The following PUS10 variants were observed in gnomAD, a reference collection of about 807,000 sequenced individuals.
PUS10 encodes the protein pseudouridine synthase 10.
A neutral mutation model predicts 75.0 loss-of-function variants in PUS10; 59 were observed. That is an observed-to-expected ratio of 0.79 (90% confidence interval 0.64 to 0.98). The LOEUF is 0.98. PUS10 is among the 50% of genes least tolerant of loss of function. The pLI, the probability that PUS10 is intolerant of heterozygous loss-of-function variation, is 0.00. For synonymous variants in PUS10, 219 were observed against 211.6 expected, an observed-to-expected ratio of 1.03 and a Z score of -0.30; for missense variants, 650 against 614.4, an observed-to-expected ratio of 1.06 and a Z score of -0.61.
chr2:61,002,899 C>A (rs558404402), intron 4 of PUS10, among the ~76,000 whole-genome samples: 6 of 152,268 alleles, frequency 3.9e-5, no homozygotes, highest in African/African-American at 1.4e-4. Flanking sequence ...CTGAATACCG[C>A]CTTTATTTAT....
intron 11 of PUS10, among the ~76,000 whole-genome samples, chr2:60,956,974 C>CAAAAAAAAAAAAAAAAA (rs56804354): frequency 1.3e-3 from 25 of 19,252 alleles, no homozygotes; most frequent in African/African-American, 3.6e-3. Flanking sequence ...GACTCCATCT[C>CAAAAAAAAAAAAAAAAA]AAAAAAAAAA....
chr2:61,005,413 G>C (rs1321915609), intron 4 of PUS10, among the ~76,000 whole-genome samples: 1 of 152,158 alleles, frequency 6.6e-6, no homozygotes, highest in Non-Finnish European at 1.5e-5. Context: ...TATAAACTTT[G>C]ATTCACAGGC....
At chr2:60,980,873 C>T (rs1677344195) in intron 4 of PUS10, among the ~76,000 whole-genome samples, 1 of 152,134 alleles carries the variant, frequency 6.6e-6, no homozygotes, top group Non-Finnish European at 1.5e-5. Context: ...GGTTCTCTAA[C>T]AGTTTGGTTA....
chr2:61,000,532 C>G (rs899176200), intron 4 of PUS10, among the ~76,000 whole-genome samples: 2 of 152,208 alleles, frequency 1.3e-5, no homozygotes, highest in African/African-American at 4.8e-5. Context: ...AGTAGTAAAT[C>G]TGTTTCCTTG....
intron 4 of PUS10, among the ~76,000 whole-genome samples, chr2:60,989,173 A>G (rs1677915091): frequency 1.3e-5 from 2 of 152,240 alleles, no homozygotes; most frequent in African/African-American, 2.4e-5. Context: ...AGCAGCACCA[A>G]GGAATTCTGG....
chr2:61,013,119 G>A (rs1204532164), intron 1 of PUS10, among the ~76,000 whole-genome samples: 1 of 151,694 alleles, frequency 6.6e-6, no homozygotes, highest in African/African-American at 2.4e-5. Flanking sequence ...TGGGCATGGT[G>A]GTACACACCT....
chr2:60,983,671 G>C (rs1677546950), intron 4 of PUS10, among the ~76,000 whole-genome samples: 1 of 148,586 alleles, frequency 6.7e-6, no homozygotes, highest in Non-Finnish European at 1.5e-5. Context: ...GAGCAAAATT[G>C]CATCTCAAAA....
chr2:61,012,924 C>T (rs2104749605), intron 1 of PUS10, among the ~76,000 whole-genome samples: 1 of 141,668 alleles, frequency 7.1e-6, no homozygotes, highest in South Asian at 2.2e-4. Context: ...CAAATTTTCC[C>T]TCCACCTTTC....
intron 14 of PUS10, among the ~76,000 whole-genome samples, chr2:60,953,476 A>C (rs1675468130): frequency 6.6e-6 from 1 of 152,190 alleles, no homozygotes; most frequent in Non-Finnish European, 1.5e-5. Flanking sequence ...CTTTCATTTC[A>C]TAATGTTTTC....
chr2:60,960,024 T>C (rs1273912983), intron 11 of PUS10, among the ~76,000 whole-genome samples: 1 of 151,108 alleles, frequency 6.6e-6, no homozygotes, highest in African/African-American at 2.4e-5. Context: ...TCTAAAAATA[T>C]GTTAAAAAAT....
chr2:60,972,527 T>C (rs13432030), intron 4 of PUS10, among the ~76,000 whole-genome samples: 99 of 152,260 alleles, frequency 6.5e-4, no homozygotes, highest in African/African-American at 2.2e-3. Context: ...AGTAAGTGAC[T>C]GACACTGAGA....
chr2:60,979,102 AACACAT>A (rs61436873), intron 4 of PUS10, among the ~76,000 whole-genome samples: 11,223 of 149,338 alleles, frequency 0.075, 1,182 homozygotes, highest in African/African-American at 0.24. Flanking sequence ...CTCTTCTCCC[AACACAT>A]ACACATACAC....
intron 12 of PUS10, among the ~76,000 whole-genome samples, chr2:60,954,799 G>A (rs1319316282): frequency 6.6e-6 from 1 of 152,156 alleles, no homozygotes; most frequent in Non-Finnish European, 1.5e-5. Flanking sequence ...TAACCTATAG[G>A]TATGCAATCA....
At chr2:60,953,144 CCAAATAAACAAAATA>C in intron 14 of PUS10, 30 bp from the exon 15 acceptor site, 1 of 1,238,224 alleles carries the variant, frequency 8.1e-7, no homozygotes. Flanking sequence ...AGAAGTTTGT[CCAAATAAACAAAATA>C]CAAAAAAACC....
At chr2:60,944,815 G>C (rs1003582962) in intron 17 of PUS10, among the ~76,000 whole-genome samples, 194 bp downstream of exon 17, 1 of 151,716 alleles carries the variant, frequency 6.6e-6, no homozygotes, top group African/African-American at 2.4e-5. Flanking sequence ...TATTTTCAAG[G>C]AACATAAATG....
chr2:61,014,543 C>T (rs1443870204), intron 1 of PUS10, among the ~76,000 whole-genome samples: 3 of 152,080 alleles, frequency 2.0e-5, no homozygotes, highest in South Asian at 2.1e-4. Context: ...CTCCTGTTAC[C>T]GGGAAGGAGG....
chr2:60,987,542 T>G (rs1189023792), intron 4 of PUS10, among the ~76,000 whole-genome samples: 2 of 152,160 alleles, frequency 1.3e-5, no homozygotes, highest in Non-Finnish European at 2.9e-5. Flanking sequence ...CTTTGGTGTG[T>G]GGGAAATTTC....
chr2:60,987,668 C>T (rs1008811103), intron 4 of PUS10, among the ~76,000 whole-genome samples: 3 of 152,076 alleles, frequency 2.0e-5, no homozygotes. Flanking sequence ...TGCAGTGGCT[C>T]GTGCCGCACT....
At chr2:60,955,124 G>A in intron 11 of PUS10, 50 bp from the exon 12 acceptor site, 2 of 1,179,494 alleles carry the variant, frequency 1.7e-6, no homozygotes, top group Non-Finnish European at 1.2e-6. Flanking sequence ...ATAGCTCTAA[G>A]ATATTCATTC....
Sources: gnomAD v4.1 joint callset for allele counts (sites outside exome capture counted in the v4.1 genomes callset) on GRCh38, gnomAD v4.1.1 for gene constraint, MANE v1.5 for transcripts, NCBI Gene and HGNC (gene_info 2026-07-23, HGNC 2026-07-21) for gene names.